The following SPART variants were observed in gnomAD, a reference collection of about 807,000 sequenced individuals.
SPART encodes the protein spastic paraplegia 20 (Troyer syndrome).
In SPART, 35 loss-of-function variants were observed where a neutral mutation model predicts 58.7. That is an observed-to-expected ratio of 0.60 (90% confidence interval 0.46 to 0.79). The LOEUF is 0.79. Among genes scored for constraint, SPART ranks in the 30% least tolerant of loss-of-function variants. SPART has a pLI of 0.00. For missense variants in SPART, 730 were observed against 786.1 expected, an observed-to-expected ratio of 0.93 and a Z score of 0.85; for synonymous variants, 284 against 280.7, an observed-to-expected ratio of 1.01 and a Z score of -0.12.
At chr13:36,339,248 C>T (rs1171572502) in intron 1 of SPART, among the ~76,000 whole-genome samples, 1 of 151,816 alleles carries the variant, frequency 6.6e-6, no homozygotes, top group Non-Finnish European at 1.5e-5. Flanking sequence ...AGGAAAAACT[C>T]AAGAAGGATG....
intron 1 of SPART, among the ~76,000 whole-genome samples, chr13:36,357,094 G>T (rs1385939423): frequency 6.6e-6 from 1 of 152,138 alleles, no homozygotes; most frequent in Non-Finnish European, 1.5e-5. Context: ...TCAGGGTTGT[G>T]GTTGCCCTGG....
chr13:36,317,607 G>T (rs953113745), intron 5 of SPART, among the ~76,000 whole-genome samples: 1 of 147,480 alleles, frequency 6.8e-6, no homozygotes, highest in Non-Finnish European at 1.5e-5. Context: ...TTATCTCTGC[G>T]CCCCAACCCC....
chr13:36,366,192 C>G (rs1380747840), intron 1 of SPART, among the ~76,000 whole-genome samples: 1 of 152,202 alleles, frequency 6.6e-6, no homozygotes, highest in East Asian at 1.9e-4. Flanking sequence ...TCAGCGCCGC[C>G]TCTCTTTCTT....
chr13:36,338,535 C>T (rs1399730851), intron 1 of SPART, among the ~76,000 whole-genome samples: 1 of 152,154 alleles, frequency 6.6e-6, no homozygotes, highest in African/African-American at 2.4e-5. Context: ...AGCCTATTTA[C>T]AAATTAGCAC....
At chr13:36,352,786 CAA>C (rs34599910) in intron 1 of SPART, among the ~76,000 whole-genome samples, 9 of 113,340 alleles carry the variant, frequency 7.9e-5, no homozygotes, top group Non-Finnish European at 7.3e-5. Context: ...ATCCCGTTTC[CAA>C]AAAAAAAAAA....
Position 36,362,072 on chromosome 13 carries a change from C to T in SPART, c.-3+8017G>A, listed in dbSNP as rs188716781. On this transcript the variant is annotated intron_variant, in intron 1 of 8. Coordinates refer to the SPART transcript ENST00000355182. ...CCAGGCAAACAATACCCATGTCAGCCGGGTGTGGTGGCTCACGCCTGTAAT... is the reference window on the plus strand; with the variant it reads ...CCAGGCAAACAATACCCATGTCAGCTGGGTGTGGTGGCTCACGCCTGTAAT... Among the ~76,000 whole-genome samples the T allele has an allele frequency of 9.2e-3, 1,397 of 152,226 alleles. 29 individuals carry two copies. Among genetic ancestry groups the T allele is most frequent in the African/African-American group, 0.032 (1,333 of 41,544 alleles).
At chr13:36,306,107 C>T (rs1880483652) in intron 8 of SPART, among the ~76,000 whole-genome samples, 1 of 152,176 alleles carries the variant, frequency 6.6e-6, no homozygotes, top group African/African-American at 2.4e-5. Flanking sequence ...AGCTAGCACA[C>T]AGCAGAGCCT....
At chr13:36,336,022 G>A (rs1463319867) in intron 1 of SPART, among the ~76,000 whole-genome samples, 190 bp from the exon 2 acceptor site, 2 of 151,988 alleles carry the variant, frequency 1.3e-5, no homozygotes, top group South Asian at 4.1e-4. Flanking sequence ...TTTGATGAAT[G>A]GATAAATAAA....
rs776815318 is a variant in SPART, at chr13:36,335,452, G to C, written c.379C>G (p.Pro127Ala). ...GCTGAACTAAAAGACTGAGGCTCTG[G>C]TAATTTTTCACACATGTCTTTAGGT... ...FPPKDMCEKL[P>A]EPQSFSSAPQ... is the part of the protein sequence containing the mutation. Residue 127 changes from proline (P) to alanine (A), a missense_variant, in exon 2 of 9, where the codon CCA becomes GCA. Transcript: ENST00000438666. 10 of 1,614,132 alleles carry C rather than the reference G, an allele frequency of 6.2e-6. No homozygotes were observed. The highest frequency in any genetic ancestry group is 1.6e-4 in the Middle Eastern group (1 of 6,062).
At chr13:36,365,755 A>C (rs1000022833) in intron 1 of SPART, 2 of 341,766 alleles carry the variant, frequency 5.9e-6, no homozygotes, top group Non-Finnish European at 1.2e-5. Context: ...CAACGTCTGC[A>C]ATGGAACAGG....
At chr13:36,356,550 G>A (rs967808334) in intron 1 of SPART, among the ~76,000 whole-genome samples, 9 of 152,184 alleles carry the variant, frequency 5.9e-5, no homozygotes, top group South Asian at 4.1e-4. Flanking sequence ...AAACTCAACC[G>A]TTGACCAGAA....
At chr13:36,351,568 T>C (rs978364870) in intron 1 of SPART, among the ~76,000 whole-genome samples, 10 of 152,176 alleles carry the variant, frequency 6.6e-5, no homozygotes, top group South Asian at 2.1e-4. Context: ...AGTAGTAGTA[T>C]ACATAGCATT....
chr13:36,339,835 G>A (rs1439572186), intron 1 of SPART, among the ~76,000 whole-genome samples: 1 of 152,132 alleles, frequency 6.6e-6, no homozygotes, highest in Non-Finnish European at 1.5e-5. Flanking sequence ...AGGAGACTGA[G>A]ACAGGAGGAT....
chr13:36,367,913 T>C (rs986662332), intron 1 of SPART, among the ~76,000 whole-genome samples: 2 of 152,222 alleles, frequency 1.3e-5, no homozygotes, highest in African/African-American at 2.4e-5. Context: ...AAATTATATA[T>C]TCTCAGGATA....
chr13:36,304,365 T>G lies in SPART; in HGVS notation c.2001A>C (p.Ter667CysextTer1). The G allele has an allele frequency of 6.2e-7, 1 of 1,614,068 alleles. No homozygotes were observed. Among genetic ancestry groups the G allele is most frequent in the Non-Finnish European group, 8.5e-7 (1 of 1,179,942 alleles). Residue 667 changes from the stop codon to cysteine (C), a stop_lost, in exon 9 of 9, where the codon TGA (stop) becomes TGC (cysteine). Transcript: ENST00000438666. ...GGTATAAGTGATTCCCAGCACTTCA[T>G]CATTTATCTTTCTTCTTTGCCTCCT... Reference protein sequence around the residue: ...EVKEAKKKDK* With the variant: ...EVKEAKKKDKC
intron 8 of SPART, among the ~76,000 whole-genome samples, chr13:36,307,745 A>G (rs551590104): frequency 5.3e-5 from 8 of 152,220 alleles, no homozygotes; most frequent in African/African-American, 1.9e-4. Context: ...TTATTCCTGT[A>G]TGTCTTCACA....
At chr13:36,340,086 T>TA (rs1369070660) in intron 1 of SPART, among the ~76,000 whole-genome samples, 3 of 145,406 alleles carry the variant, frequency 2.1e-5, no homozygotes, top group Non-Finnish European at 3.0e-5. Flanking sequence ...TAAAAGTAAA[T>TA]AAAAAAACCA....
intron 1 of SPART, among the ~76,000 whole-genome samples, chr13:36,345,896 T>C (rs1195635380): frequency 1.3e-5 from 2 of 152,018 alleles, no homozygotes; most frequent in East Asian, 2.0e-4. Flanking sequence ...GAATGATCAA[T>C]AGCGATGCTC....
chr13:36,352,649 T>C (rs1885462691), intron 1 of SPART, among the ~76,000 whole-genome samples: 1 of 151,960 alleles, frequency 6.6e-6, no homozygotes. Context: ...TGAGAAGCAG[T>C]GAAAACTGAG....
Sources: allele counts gnomAD v4.1 joint callset (sites outside exome capture counted in the v4.1 genomes callset), GRCh38; gene constraint gnomAD v4.1.1; transcripts MANE v1.5; gene names NCBI Gene and HGNC (gene_info 2026-07-23, HGNC 2026-07-21).